IGSF11: variants seen among roughly 807,000 people sequenced by gnomAD.
IGSF11 encodes the protein immunoglobulin superfamily member 11.
IGSF11 carries 22 observed loss-of-function variants against 41.0 expected under a neutral mutation model. The observed-to-expected ratio is 0.54, with a 90% CI of 0.38 to 0.77. The LOEUF is 0.77. Among genes scored for constraint, IGSF11 ranks in the 30% least tolerant of loss-of-function variants. The probability of loss-of-function intolerance (pLI) is 0.00; values close to 1 mark genes in which losing one functional copy is unlikely to be tolerated. For missense variants in IGSF11, 444 were observed against 530.8 expected, an observed-to-expected ratio of 0.84 and a Z score of 1.61; for synonymous variants, 219 against 201.3, an observed-to-expected ratio of 1.09 and a Z score of -0.74.
intron 1 of IGSF11, among the ~76,000 whole-genome samples, chr3:119,045,898 C>A (rs536137107): frequency 1.3e-5 from 2 of 152,000 alleles, no homozygotes; most frequent in African/African-American, 2.4e-5. Flanking sequence ...ACACCTCACA[C>A]TCCAGGGTAC....
chr3:119,034,938 T>C, upstream of IGSF11: 7 of 708,450 alleles, frequency 9.9e-6, no homozygotes, highest in Non-Finnish European at 1.3e-5. Flanking sequence ...CGCCGCCCAC[T>C]CGCCCCGCTT....
intron 4 of IGSF11, among the ~76,000 whole-genome samples, chr3:118,922,561 T>C (rs537280764): frequency 6.6e-6 from 1 of 152,182 alleles, no homozygotes; most frequent in South Asian, 2.1e-4. Context: ...TTGTACCCTT[T>C]AACCCACATC....
At position 119,092,229 on chromosome 3, in the gene IGSF11, G is replaced by C. The variant is rs140678963; in HGVS notation, c.49+12915C>G. 2.1e-3 allele frequency among the ~76,000 whole-genome samples: 320 copies of C among 152,128 alleles called. 1 individual carries two copies. Among genetic ancestry groups the C allele is most frequent in the Middle Eastern group, 6.8e-3 (2 of 294 alleles). ...GGAATAAAAAAGTTAAAATTAAAAA[G>C]TTTCTGAAGTAAAAATATTATAGTA... On this transcript the variant is annotated intron_variant, in intron 1 of 6. Coordinates refer to the IGSF11 transcript ENST00000354673.
chr3:118,925,249 T>G (rs1249594880), intron 4 of IGSF11, among the ~76,000 whole-genome samples: 5 of 152,134 alleles, frequency 3.3e-5, no homozygotes, highest in Non-Finnish European at 7.3e-5. Flanking sequence ...ACTTAGGACT[T>G]TCCTTTTCCA....
intron 1 of IGSF11, among the ~76,000 whole-genome samples, chr3:119,095,134 T>G (rs1445066984): frequency 6.6e-6 from 1 of 152,160 alleles, no homozygotes. Flanking sequence ...AAGTTGGTAT[T>G]TGAAAAATGA....
At chr3:119,013,284 A>G (rs142737187) in intron 1 of IGSF11, 1 of 152,220 alleles carries the variant, frequency 6.6e-6, no homozygotes, top group Non-Finnish European at 1.5e-5. Flanking sequence ...TGGTTTCTGC[A>G]ATTTCCTCTT....
intron 1 of IGSF11, among the ~76,000 whole-genome samples, chr3:119,005,434 C>T (rs1446681846): frequency 2.6e-5 from 4 of 151,132 alleles, no homozygotes; most frequent in Admixed American, 2.6e-4. Context: ...CAGTCTGTGT[C>T]TTTTAATTGG....
chr3:118,928,201 CA>C (rs1157438787), intron 3 of IGSF11, among the ~76,000 whole-genome samples: 1 of 152,172 alleles, frequency 6.6e-6, no homozygotes, highest in Non-Finnish European at 1.5e-5. Context: ...TTGCTCTCAA[CA>C]ATAAGTTCTG....
chr3:118,934,387 C>T (rs185736649), intron 1 of IGSF11, among the ~76,000 whole-genome samples: 2 of 152,264 alleles, frequency 1.3e-5, no homozygotes, highest in Admixed American at 1.3e-4. Context: ...TTCCTCCCAA[C>T]TCTCTGGACA....
chr3:118,924,545 G>A (rs1235400476), intron 4 of IGSF11, among the ~76,000 whole-genome samples: 3 of 151,926 alleles, frequency 2.0e-5, no homozygotes, highest in African/African-American at 4.8e-5. Context: ...AGATTTTATA[G>A]AAGACAAAGT....
intron 1 of IGSF11, among the ~76,000 whole-genome samples, chr3:119,072,912 C>T (rs1219757432): frequency 6.6e-6 from 1 of 152,274 alleles, no homozygotes; most frequent in East Asian, 1.9e-4. Context: ...TTACAGAGAG[C>T]TGATTGGTCC....
chr3:119,118,093 G>C (rs1337887340), intron 1 of IGSF11, among the ~76,000 whole-genome samples: 1 of 152,212 alleles, frequency 6.6e-6, no homozygotes, highest in East Asian at 1.9e-4. Flanking sequence ...AGTGCAAAGT[G>C]TTGGTGGATC....
At chr3:118,924,970 G>T (rs893446104) in intron 4 of IGSF11, among the ~76,000 whole-genome samples, 2 of 152,146 alleles carry the variant, frequency 1.3e-5, no homozygotes, top group African/African-American at 4.8e-5. Context: ...ACAATGGTGA[G>T]ATTGACAAAT....
chr3:119,112,044 C>CAGGGG (rs2077172848), intron 1 of IGSF11, among the ~76,000 whole-genome samples: 1 of 152,212 alleles, frequency 6.6e-6, no homozygotes, highest in Non-Finnish European at 1.5e-5. Context: ...GGTCAGGGGT[C>CAGGGG]TGGGACCCAC....
intron 1 of IGSF11, among the ~76,000 whole-genome samples, chr3:119,003,968 T>C (rs1332081138): frequency 6.6e-6 from 1 of 151,522 alleles, no homozygotes; most frequent in African/African-American, 2.4e-5. Flanking sequence ...CAGAATGATG[T>C]TGGCCTCATA....
At chr3:118,957,419 G>A (rs1436527897) in intron 1 of IGSF11, among the ~76,000 whole-genome samples, 2 of 152,184 alleles carry the variant, frequency 1.3e-5, no homozygotes, top group Non-Finnish European at 2.9e-5. Flanking sequence ...TTCTTTAACA[G>A]ACATAGGCTT....
chr3:118,968,445 C>T (rs1343815406), intron 1 of IGSF11, among the ~76,000 whole-genome samples: 3 of 151,872 alleles, frequency 2.0e-5, no homozygotes, highest in Non-Finnish European at 4.4e-5. Flanking sequence ...TCCTTAATAT[C>T]GAATTAAAAA....
intron 1 of IGSF11, among the ~76,000 whole-genome samples, chr3:119,095,190 G>A (rs1377572132): frequency 6.6e-6 from 1 of 152,162 alleles, no homozygotes; most frequent in African/African-American, 2.4e-5. Context: ...GATGGTTCAT[G>A]CTCGTATCTG....
At chr3:119,011,120 G>T (rs909909833) in intron 1 of IGSF11, among the ~76,000 whole-genome samples, 1 of 152,174 alleles carries the variant, frequency 6.6e-6, no homozygotes, top group Non-Finnish European at 1.5e-5. Flanking sequence ...GAGGGCTCTG[G>T]CAAGTGACCA....
Sources: gnomAD v4.1 joint callset for allele counts (sites outside exome capture counted in the v4.1 genomes callset) on GRCh38, gnomAD v4.1.1 for gene constraint, MANE v1.5 for transcripts, NCBI Gene and HGNC (gene_info 2026-07-23, HGNC 2026-07-21) for gene names.